The following ZNF503 variants were observed in gnomAD, a reference collection of about 807,000 sequenced individuals.
ZNF503 encodes the protein NocA-like zinc finger 2.
ZNF503 carries 15 observed loss-of-function variants against 34.4 expected under a neutral mutation model. That is an observed-to-expected ratio of 0.44 (90% CI 0.29 to 0.67). The LOEUF is 0.67. Ranked by LOEUF, ZNF503 falls within the 30% of genes least tolerant of loss-of-function variation. The probability of loss-of-function intolerance (pLI) is 0.13; values close to 1 mark genes in which losing one functional copy is unlikely to be tolerated. For missense variants in ZNF503, 1,007 were observed against 926.8 expected (o/e 1.09, Z -1.12); for synonymous variants, 580 against 456.8 (o/e 1.27, Z -3.44).
chr10:75,333,575 C>T, the ZNF503 span, among the ~76,000 whole-genome samples: 1 of 84,956 alleles, frequency 1.2e-5, no homozygotes, highest in Non-Finnish European at 2.3e-5. Context: ...GGCAGCTGGC[C>T]GGGCGGGGGG....
At chr10:75,331,638 G>GGGTCT in the ZNF503 span, among the ~76,000 whole-genome samples, 110 of 152,180 alleles carry the variant, frequency 7.2e-4, no homozygotes, top group Middle Eastern at 3.4e-3. Flanking sequence ...TTTAGAGATG[G>GGGTCT]GGTCTCATTT....
At chr10:75,283,356 A>G in the ZNF503 span, 1 of 152,330 alleles carries the variant, frequency 6.6e-6, no homozygotes, top group East Asian at 1.9e-4. Context: ...AGCAGCAGAC[A>G]TACGTGTGGC....
the ZNF503 span, among the ~76,000 whole-genome samples, chr10:75,335,606 T>G: frequency 5.3e-5 from 8 of 152,224 alleles, no homozygotes; most frequent in East Asian, 9.6e-4. Context: ...CCAACCTATC[T>G]TTCTAACCAT....
At chr10:75,317,130 CAG>C in the ZNF503 span, among the ~76,000 whole-genome samples, 1 of 150,316 alleles carries the variant, frequency 6.7e-6, no homozygotes, top group Non-Finnish European at 1.5e-5. Flanking sequence ...TTTGCAGAGG[CAG>C]AGTTTCGCCA....
At chr10:75,295,153 C>G in the ZNF503 span, among the ~76,000 whole-genome samples, 2 of 151,786 alleles carry the variant, frequency 1.3e-5, no homozygotes, top group Non-Finnish European at 2.9e-5. This position sits in a 1 kb window ranked among gnomAD's most constrained non-coding sequence, Gnocchi z 4.0. Context: ...CTTCCTGTCA[C>G]GCCGGGCCCG....
chr10:75,329,525 C>T, the ZNF503 span, among the ~76,000 whole-genome samples: 1 of 151,730 alleles, frequency 6.6e-6, no homozygotes, highest in South Asian at 2.1e-4. Flanking sequence ...AGTGCAGTGG[C>T]GTGCTCATAG....
At chr10:75,325,634 C>T in the ZNF503 span, among the ~76,000 whole-genome samples, 31 of 152,062 alleles carry the variant, frequency 2.0e-4, no homozygotes, top group Non-Finnish European at 4.1e-4. Context: ...AGAATCAATT[C>T]GTTGTTAGTG....
the ZNF503 span, among the ~76,000 whole-genome samples, chr10:75,315,619 C>T: frequency 6.6e-6 from 1 of 152,030 alleles, no homozygotes; most frequent in South Asian, 2.1e-4. Flanking sequence ...GGAATCAAAG[C>T]GTAACACTAC....
the ZNF503 span, among the ~76,000 whole-genome samples, chr10:75,303,874 C>G: frequency 9.5e-5 from 14 of 147,784 alleles, 2 homozygotes; most frequent in South Asian, 3.0e-3. Context: ...TGCTCTGTCA[C>G]CCAGGCTGGA....
chr10:75,375,449 T>C, the ZNF503 span, among the ~76,000 whole-genome samples: 1 of 152,220 alleles, frequency 6.6e-6, no homozygotes, highest in African/African-American at 2.4e-5. Context: ...AAATATAAGT[T>C]ATAAGTCCAA....
chr10:75,331,872 C>T, the ZNF503 span, among the ~76,000 whole-genome samples: 1 of 152,124 alleles, frequency 6.6e-6, no homozygotes, highest in Admixed American at 6.5e-5. Flanking sequence ...TGTATATTAA[C>T]AATTGTTATA....
intron 1 of ZNF503, among the ~76,000 whole-genome samples, 191 bp from the exon 2 acceptor site, chr10:75,400,565 C>G (rs1843785056): frequency 6.6e-6 from 1 of 152,208 alleles, no homozygotes; most frequent in African/African-American, 2.4e-5. Context: ...TTGGGAAAGG[C>G]AGCAGATTGC....
At chr10:75,369,356 G>A in the ZNF503 span, among the ~76,000 whole-genome samples, 1 of 152,190 alleles carries the variant, frequency 6.6e-6, no homozygotes, top group Admixed American at 6.5e-5. Flanking sequence ...GGTATGACAA[G>A]GTGGAGATAA....
the ZNF503 span, among the ~76,000 whole-genome samples, chr10:75,365,086 G>T: frequency 6.6e-6 from 1 of 152,336 alleles, no homozygotes; most frequent in Non-Finnish European, 1.5e-5. Flanking sequence ...AAGGAAGGAG[G>T]CACTGCTGGG....
the ZNF503 span, among the ~76,000 whole-genome samples, chr10:75,337,185 G>A: frequency 3.3e-5 from 5 of 152,004 alleles, no homozygotes; most frequent in South Asian, 2.1e-4. Context: ...TTAGTCGGGC[G>A]TGGTGGTGCG....
chr10:75,349,681 A>G, the ZNF503 span, among the ~76,000 whole-genome samples: 2 of 152,204 alleles, frequency 1.3e-5, no homozygotes, highest in African/African-American at 4.8e-5. Context: ...AGTGGCAATC[A>G]CTACTGCCAG....
the ZNF503 span, among the ~76,000 whole-genome samples, chr10:75,304,458 T>G: frequency 6.6e-6 from 1 of 152,206 alleles, no homozygotes; most frequent in Admixed American, 6.5e-5. Flanking sequence ...TAAATATTTC[T>G]TCATTCTCTC....
the ZNF503 span, among the ~76,000 whole-genome samples, chr10:75,304,786 A>G: frequency 1.3e-5 from 2 of 152,208 alleles, no homozygotes; most frequent in Admixed American, 1.3e-4. Flanking sequence ...TGGAGAAAAA[A>G]ATCACAAATA....
At chr10:75,300,706 T>TTTC in the ZNF503 span, among the ~76,000 whole-genome samples, 1 of 136,240 alleles carries the variant, frequency 7.3e-6, no homozygotes, top group Non-Finnish European at 1.6e-5. Flanking sequence ...CTTTCTTTCT[T>TTTC]TTTTTTTTTT....
Sources: gnomAD v4.1 joint callset for allele counts (sites outside exome capture counted in the v4.1 genomes callset) on GRCh38, gnomAD v4.1.1 for gene constraint, Gnocchi (gnomAD v3.1) non-coding constraint, MANE v1.5 for transcripts, NCBI Gene and HGNC (gene_info 2026-07-23, HGNC 2026-07-21) for gene names.